The following ANKRD31 variants were observed in gnomAD, a reference collection of about 807,000 sequenced individuals.
The protein encoded by ANKRD31 is ankyrin repeat domain 31, also known as ankyrin repeat domain-containing protein 31.
In ANKRD31, 147 loss-of-function variants were observed where a neutral mutation model predicts 186.0. The ratio of observed to expected loss-of-function variants is 0.79; its 90% CI spans 0.69 to 0.91. ANKRD31 has a LOEUF of 0.91. ANKRD31 is among the 40% of genes least tolerant of loss of function. ANKRD31 has a pLI of 0.00. For synonymous variants in ANKRD31, 673 were observed against 736.4 expected, an observed-to-expected ratio of 0.91 and a Z score of 1.39; for missense variants, 1,986 against 2,148.8, an observed-to-expected ratio of 0.92 and a Z score of 1.50.
chr5:75,113,265 A>C (rs1441138265), intron 19 of ANKRD31, among the ~76,000 whole-genome samples: 1 of 152,204 alleles, frequency 6.6e-6, no homozygotes, highest in South Asian at 2.1e-4. Context: ...ATTCTATAAC[A>C]CATGAAAATG....
At chr5:75,117,291 T>C (rs1217636265) in intron 18 of ANKRD31, among the ~76,000 whole-genome samples, 2 of 152,140 alleles carry the variant, frequency 1.3e-5, no homozygotes, top group African/African-American at 4.8e-5. Context: ...CATGGGAACT[T>C]TCAGGTATAG....
At position 75,154,252 on chromosome 5, in the gene ANKRD31, TCA is replaced by T. The variant is rs1280835856; in HGVS notation, c.1799_1800del (p.Met600LysfsTer5). 1.3e-6 allele frequency: 2 copies of T among 1,534,976 alleles called. No homozygotes were observed. Among genetic ancestry groups the T allele is most frequent in the African/African-American group, 2.7e-5 (2 of 72,956 alleles). On this transcript the variant is annotated frameshift_variant, in exon 12 of 26. Transcript: ENST00000506364. LOFTEE classifies it high-confidence loss of function. Reference sequence around the variant, plus strand: ...GGGATATATCTCTCAAGGAGACGCTTCATACATAAATCCTTGGCCTCATCCAA... The same window carrying T: ...GGGATATATCTCTCAAGGAGACGCTTTACATAAATCCTTGGCCTCATCCAA... ...CALDEAKDLCMKRLLERYIPK... is the reference protein window; with the variant it reads ...CALDEAKDLCXKRLLERYIPK...
chr5:75,121,265 T>G (rs1410418543), intron 17 of ANKRD31, among the ~76,000 whole-genome samples: 1 of 151,260 alleles, frequency 6.6e-6, no homozygotes, highest in East Asian at 1.9e-4. Flanking sequence ...TATAATAATA[T>G]TAAATACATA....
In ANKRD31 at chr5:75,148,515, T is replaced by C. The variant is rs1751628636; in HGVS notation, c.1905+61A>G. 4 of 1,183,546 alleles carry C rather than the reference T, an allele frequency of 3.4e-6. No individual in the cohort carries two copies. In the South Asian group the frequency reaches 4.8e-5, roughly 14 times the overall value. 73.3% of individuals were successfully genotyped at this position (1,183,546 alleles called of 1,614,324 possible). On this transcript the variant is annotated intron_variant, in intron 13 of 25. Coordinates refer to ENST00000506364, the MANE Select transcript of ANKRD31 (RefSeq NM_001372053.1). ...GCAGTCTTTCTCTTCCCTTTGACAA[T>C]CTATGAAACAACCAGAAGTTACATC...
chr5:75,151,274 T>C (rs1429101521), intron 12 of ANKRD31, among the ~76,000 whole-genome samples: 2 of 152,100 alleles, frequency 1.3e-5, no homozygotes, highest in African/African-American at 4.8e-5. Context: ...GGAAGAACTG[T>C]TTTATATTAA....
At chr5:75,144,428 A>G (rs1751283775) in intron 14 of ANKRD31, among the ~76,000 whole-genome samples, 1 of 152,120 alleles carries the variant, frequency 6.6e-6, no homozygotes, top group Non-Finnish European at 1.5e-5. Flanking sequence ...CTGATGCTCA[A>G]TAAATACTAT....
At chr5:75,111,844 T>C (rs1250996553) in intron 20 of ANKRD31, among the ~76,000 whole-genome samples, 2 of 152,218 alleles carry the variant, frequency 1.3e-5, no homozygotes, top group African/African-American at 4.8e-5. Flanking sequence ...GACATCCACC[T>C]GTTACATATG....
At chr5:75,175,127 G>C (rs1580484491) in intron 10 of ANKRD31, among the ~76,000 whole-genome samples, 1 of 152,154 alleles carries the variant, frequency 6.6e-6, no homozygotes, top group South Asian at 2.1e-4. Context: ...ACTATCACAA[G>C]GACAGAAAAC....
At chr5:75,167,066 A>G (rs1393399157) in intron 11 of ANKRD31, among the ~76,000 whole-genome samples, 1 of 151,882 alleles carries the variant, frequency 6.6e-6, no homozygotes, top group East Asian at 1.9e-4. Flanking sequence ...CCCTTTAACC[A>G]TTAGTTGTCA....
At chr5:75,106,474 G>A (rs1487664262) in intron 21 of ANKRD31, among the ~76,000 whole-genome samples, 1 of 151,920 alleles carries the variant, frequency 6.6e-6, no homozygotes, top group African/African-American at 2.4e-5. Flanking sequence ...GCAAACAACT[G>A]GTAGCATAAA....
At chr5:75,186,996 TGAGTGTGTGTGTGTATGAGACACA>T (rs1224721200) in intron 10 of ANKRD31, among the ~76,000 whole-genome samples, 5 of 149,860 alleles carry the variant, frequency 3.3e-5, no homozygotes, top group African/African-American at 1.2e-4. Flanking sequence ...GCTGAGAGAG[TGAGTGTGTGTGTGTATGAGACACA>T]GAGTGTGTGT....
At chr5:75,232,293 T>C (rs549271595) in intron 1 of ANKRD31, among the ~76,000 whole-genome samples, 1 of 152,290 alleles carries the variant, frequency 6.6e-6, no homozygotes, top group African/African-American at 2.4e-5. Context: ...TCAGACACAG[T>C]CACTCTGTCA....
chr5:75,187,842 G>A (rs530535846), intron 10 of ANKRD31, among the ~76,000 whole-genome samples: 25 of 152,186 alleles, frequency 1.6e-4, no homozygotes, highest in African/African-American at 5.3e-4. Context: ...AACTGAGCAA[G>A]TTTAGAAACA....
chr5:75,085,376 A>AT (rs772384197), intron 23 of ANKRD31, among the ~76,000 whole-genome samples: 1,552 of 145,942 alleles, frequency 0.011, 10 homozygotes, highest in South Asian at 0.023. Context: ...TTTTCTTTTA[A>AT]TTTTTTTTTT....
At chr5:75,163,766 A>C (rs1752733906) in intron 11 of ANKRD31, among the ~76,000 whole-genome samples, 1 of 152,162 alleles carries the variant, frequency 6.6e-6, no homozygotes, top group African/African-American at 2.4e-5. Flanking sequence ...AAAGGTGAAA[A>C]GCCATGGGCA....
intron 19 of ANKRD31, among the ~76,000 whole-genome samples, chr5:75,116,176 G>A (rs1328894212): frequency 2.7e-5 from 4 of 146,038 alleles, no homozygotes; most frequent in African/African-American, 7.6e-5. Context: ...ACCAAACACC[G>A]CATATTCTCA....
chr5:75,138,305 C>T (rs1200490727), intron 16 of ANKRD31, among the ~76,000 whole-genome samples: 1 of 152,128 alleles, frequency 6.6e-6, no homozygotes, highest in Non-Finnish European at 1.5e-5. Context: ...GATATTAAAA[C>T]GTCTGACTTT....
At chr5:75,164,161 A>G (rs1276717510) in intron 11 of ANKRD31, among the ~76,000 whole-genome samples, 2 of 152,138 alleles carry the variant, frequency 1.3e-5, no homozygotes, top group Non-Finnish European at 2.9e-5. Flanking sequence ...CCATGTGGCA[A>G]TGAACATGGC....
intron 11 of ANKRD31, among the ~76,000 whole-genome samples, chr5:75,163,086 C>T (rs1352920284): frequency 6.6e-6 from 1 of 152,130 alleles, no homozygotes; most frequent in Non-Finnish European, 1.5e-5. Flanking sequence ...AATGAAACTA[C>T]TAACGATGTT....
Sources: gnomAD v4.1 joint callset for allele counts (sites outside exome capture counted in the v4.1 genomes callset) on GRCh38, gnomAD v4.1.1 for gene constraint, MANE v1.5 for transcripts, NCBI Gene and HGNC (gene_info 2026-07-23, HGNC 2026-07-21) for gene names.